Variants in MS4A13 observed in about 807,000 individuals in gnomAD.
The protein encoded by MS4A13 is membrane-spanning 4-domains subfamily A member 13.
In MS4A13, 21 loss-of-function variants were observed where a neutral mutation model predicts 18.4. The observed-to-expected ratio is 1.14, with a 90% CI of 0.81 to 1.64. The LOEUF is 1.64. MS4A13 is among the 40% of genes most tolerant of loss of function. MS4A13 has a pLI of 0.00. For synonymous variants in MS4A13, 62 were observed against 57.2 expected, an observed-to-expected ratio of 1.08 and a Z score of -0.38; for missense variants, 173 against 176.8, an observed-to-expected ratio of 0.98 and a Z score of 0.12.
At chr11:60,541,742 TA>T (rs1334060775) in intron 6 of MS4A13, among the ~76,000 whole-genome samples, 1 of 152,170 alleles carries the variant, frequency 6.6e-6, no homozygotes, top group African/African-American at 2.4e-5. Flanking sequence ...AGACTATGGT[TA>T]TTTTTATTAT....
chr11:60,527,574 G>A (rs1369398987), intron 5 of MS4A13, among the ~76,000 whole-genome samples: 1 of 152,038 alleles, frequency 6.6e-6, no homozygotes, highest in African/African-American at 2.4e-5. Context: ...GGTGGCTCAC[G>A]CCTGTAATCC....
intron 5 of MS4A13, among the ~76,000 whole-genome samples, chr11:60,528,870 T>G (rs978802066): frequency 1.3e-5 from 2 of 152,260 alleles, no homozygotes; most frequent in Non-Finnish European, 2.9e-5. Flanking sequence ...TCTTTTTGAA[T>G]GTATTAATCA....
chr11:60,522,954 T>G (rs1003328207), intron 3 of MS4A13, among the ~76,000 whole-genome samples: 1 of 152,198 alleles, frequency 6.6e-6, no homozygotes, highest in African/African-American at 2.4e-5. Context: ...AATACTAAAC[T>G]TCTCACTTAA....
intron 3 of MS4A13, among the ~76,000 whole-genome samples, chr11:60,523,186 T>C (rs2086689387): frequency 3.3e-5 from 5 of 152,190 alleles, no homozygotes; most frequent in Admixed American, 2.0e-4. Context: ...AGCTTCAGGT[T>C]TGGGCTTCCT....
At chr11:60,521,801 C>G (rs1053699161) in intron 3 of MS4A13, among the ~76,000 whole-genome samples, 7 of 152,186 alleles carry the variant, frequency 4.6e-5, no homozygotes, top group Admixed American at 4.6e-4. Flanking sequence ...CAGCACCCCA[C>G]TCCTGGTGCC....
At chr11:60,540,211 T>C (rs865819773) in intron 6 of MS4A13, among the ~76,000 whole-genome samples, 8 of 152,222 alleles carry the variant, frequency 5.3e-5, no homozygotes, top group Non-Finnish European at 1.0e-4. Flanking sequence ...CTCCACCTTT[T>C]AGCATGAAAG....
At chr11:60,517,922 G>C (rs2086647839) in intron 2 of MS4A13, 150 bp from the exon 3 acceptor site, 2 of 547,586 alleles carry the variant, frequency 3.7e-6, no homozygotes, top group Admixed American at 7.7e-5. Flanking sequence ...CTTTTTTCTG[G>C]GATAACCAAT....
chr11:60,520,107 C>T (rs1565210200), intron 3 of MS4A13, among the ~76,000 whole-genome samples: 2 of 152,082 alleles, frequency 1.3e-5, no homozygotes, highest in Admixed American at 6.5e-5. Flanking sequence ...CATCTTATAG[C>T]TCCCATAATT....
chr11:60,525,747 C>A (rs1032758754), intron 5 of MS4A13, among the ~76,000 whole-genome samples: 9 of 152,088 alleles, frequency 5.9e-5, no homozygotes, highest in Admixed American at 5.9e-4. Flanking sequence ...ATTTTTCATA[C>A]ATAGCCTATC....
In MS4A13 at chr11:60,529,350, G is replaced by C; in HGVS notation, c.307-15G>C. 6.9e-7 allele frequency: 1 copy of C among 1,439,896 alleles called. No individual in the cohort carries two copies. Among genetic ancestry groups the C allele is most frequent in the Non-Finnish European group, 9.4e-7 (1 of 1,065,112 alleles). The allele number at this position is 1,439,896 out of a possible 1,614,324, so 89.2% of individuals were successfully genotyped here. On this transcript the variant is annotated splice_polypyrimidine_tract_variant and intron_variant, in intron 5 of 6. Transcript: ENST00000378186. ...GATAATAGCATTAAGATTTCTCCCT[G>C]TTTTTTGGTTATAGAAACTTGGGAG...
chr11:60,516,734 A>AG (rs2086640257), intron 2 of MS4A13, among the ~76,000 whole-genome samples: 1 of 152,214 alleles, frequency 6.6e-6, no homozygotes, highest in African/African-American at 2.4e-5. Context: ...TTCTAGATTA[A>AG]GAATCATTTT....
At chr11:60,521,350 T>C (rs965194631) in intron 3 of MS4A13, among the ~76,000 whole-genome samples, 3 of 152,364 alleles carry the variant, frequency 2.0e-5, no homozygotes, top group Non-Finnish European at 4.4e-5. Flanking sequence ...TCTATCACAT[T>C]GTCAGGCTGT....
chr11:60,540,376 A>G (rs1043348564), intron 6 of MS4A13, among the ~76,000 whole-genome samples: 2 of 152,212 alleles, frequency 1.3e-5, no homozygotes, highest in Admixed American at 1.3e-4. Context: ...ATTTTAAAAG[A>G]TAAGATTATA....
At chr11:60,529,591 ATTTT>A in intron 6 of MS4A13, 131 bp downstream of exon 6, 1 of 429,204 alleles carries the variant, frequency 2.3e-6, no homozygotes. Context: ...TATTGCCTTT[ATTTT>A]TTATTTTTGT....
chr11:60,522,032 G>T (rs2086677247), intron 3 of MS4A13, among the ~76,000 whole-genome samples: 1 of 151,964 alleles, frequency 6.6e-6, no homozygotes, highest in African/African-American at 2.4e-5. Context: ...AAAACCATCA[G>T]ATCTCATAGG....
intron 6 of MS4A13, among the ~76,000 whole-genome samples, chr11:60,540,168 G>A (rs1224310795): frequency 6.6e-6 from 1 of 152,190 alleles, no homozygotes; most frequent in Non-Finnish European, 1.5e-5. Context: ...CGTGTTATTA[G>A]TAACATTAAT....
At chr11:60,529,763 T>C (rs554267007) in intron 6 of MS4A13, among the ~76,000 whole-genome samples, 3 of 152,346 alleles carry the variant, frequency 2.0e-5, no homozygotes, top group South Asian at 2.1e-4. Context: ...ACACATTCTC[T>C]TTACTAATTG....
chr11:60,542,498 A>T, intron 6 of MS4A13, 21 bp from the exon 7 acceptor site: 1 of 1,569,366 alleles, frequency 6.4e-7, no homozygotes, highest in Non-Finnish European at 8.7e-7. Flanking sequence ...TATGATTTGT[A>T]AGAGGTTACT....
At chr11:60,516,657 A>G (rs79891373) in intron 2 of MS4A13, among the ~76,000 whole-genome samples, 5 of 152,234 alleles carry the variant, frequency 3.3e-5, no homozygotes, top group Non-Finnish European at 5.9e-5. Context: ...ACATGTCACA[A>G]TCCTTCGCAT....
Sources: gnomAD v4.1 joint callset for allele counts (sites outside exome capture counted in the v4.1 genomes callset) on GRCh38, gnomAD v4.1.1 for gene constraint, MANE v1.5 for transcripts, NCBI Gene and HGNC (gene_info 2026-07-23, HGNC 2026-07-21) for gene names.